Variants in EYS observed in about 807,000 individuals in gnomAD.
EYS encodes the protein protein eyes shut homolog.
A neutral mutation model predicts 282.1 loss-of-function variants in EYS; 250 were observed. The observed-to-expected ratio is 0.89, with a 90% confidence interval of 0.80 to 0.98. The LOEUF (loss-of-function observed/expected upper bound fraction) is 0.98. Among genes scored for constraint, EYS ranks in the 50% least tolerant of loss-of-function variants. EYS has a pLI of 0.00. For missense variants in EYS, 4,016 were observed against 3,709.0 expected, an observed-to-expected ratio of 1.08 and a Z score of -2.15; for synonymous variants, 1,355 against 1,282.9, an observed-to-expected ratio of 1.06 and a Z score of -1.20.
intron 12 of EYS, among the ~76,000 whole-genome samples, chr6:65,280,842 A>AC (rs1768197167): frequency 7.0e-6 from 1 of 143,596 alleles, no homozygotes; most frequent in African/African-American, 2.5e-5. Context: ...GCAAAGTGAA[A>AC]CCCCGTCTGT....
intron 22 of EYS, among the ~76,000 whole-genome samples, chr6:64,628,757 G>T (rs1767687880): frequency 6.6e-6 from 1 of 151,822 alleles, no homozygotes; most frequent in South Asian, 2.1e-4. Context: ...CATTGCAAAG[G>T]AAAAAAACTA....
At chr6:64,721,277 G>A (rs1771569752) in intron 22 of EYS, among the ~76,000 whole-genome samples, 1 of 152,064 alleles carries the variant, frequency 6.6e-6, no homozygotes, top group Non-Finnish European at 1.5e-5. Context: ...AGTGAAAAAA[G>A]GCAGGAAAGT....
intron 8 of EYS, 92 bp from the exon 9 acceptor site, chr6:65,353,709 A>G: frequency 1.9e-6 from 2 of 1,055,460 alleles, no homozygotes; most frequent in East Asian, 2.6e-5. Context: ...TTTTAAAACC[A>G]CAGTGATTAT....
At chr6:65,504,770 A>T (rs1766595163) in intron 2 of EYS, among the ~76,000 whole-genome samples, 3 of 151,586 alleles carry the variant, frequency 2.0e-5, no homozygotes, top group South Asian at 4.1e-4. Flanking sequence ...TATAATAAAT[A>T]AAAAAATTAT....
chr6:64,369,398 T>C (rs888530666), intron 29 of EYS, among the ~76,000 whole-genome samples: 1 of 152,188 alleles, frequency 6.6e-6, no homozygotes, highest in Non-Finnish European at 1.5e-5. Context: ...ATTCAGGCTC[T>C]TTTTTGGTTC....
intron 26 of EYS, among the ~76,000 whole-genome samples, chr6:64,493,269 A>C (rs1241916876): frequency 6.6e-6 from 1 of 151,502 alleles, no homozygotes; most frequent in African/African-American, 2.4e-5. Flanking sequence ...GCAGAGCTGC[A>C]AATCAAAATG....
chr6:64,244,611 ATATG>A (rs1766948428), intron 30 of EYS, among the ~76,000 whole-genome samples: 1 of 152,162 alleles, frequency 6.6e-6, no homozygotes, highest in African/African-American at 2.4e-5. Flanking sequence ...TCCTGTTAAA[ATATG>A]TATTATATGA....
intron 26 of EYS, among the ~76,000 whole-genome samples, chr6:64,500,520 T>C (rs1436818565): frequency 6.6e-6 from 1 of 152,060 alleles, no homozygotes; most frequent in Non-Finnish European, 1.5e-5. Flanking sequence ...TGTGCATTTC[T>C]GAGAAAAAAA....
rs867535787 is a variant in EYS at position 64,997,586 on chromosome 6, T to A, written c.2255A>T (p.His752Leu). The A allele has an allele frequency of 6.4e-7, 1 of 1,551,014 alleles. No individual in the cohort carries two copies. Among genetic ancestry groups the A allele is most frequent in the Non-Finnish European group, 8.7e-7 (1 of 1,146,400 alleles). The change falls in exon 14 of 43, where the codon CAT becomes CTT. Residue 752 changes from histidine to leucine, a missense_variant. Transcript: ENST00000503581. Reference sequence around the variant, plus strand: ...AAAAAGCCAGTGGATACTAACGAGATGCAGGTCTTTGCAGGTAGAATTGTG... The same window carrying A: ...AAAAAGCCAGTGGATACTAACGAGAAGCAGGTCTTTGCAGGTAGAATTGTG... Reference protein sequence around the residue: ...CEHNSTCKDLHLSYQCVCLSD... With the variant: ...CEHNSTCKDLLLSYQCVCLSD...
At chr6:64,624,278 T>C (rs1457963801) in intron 23 of EYS, among the ~76,000 whole-genome samples, 2 of 152,078 alleles carry the variant, frequency 1.3e-5, no homozygotes, top group Non-Finnish European at 2.9e-5. Context: ...AAAACTAATC[T>C]AGCACCTGTA....
chr6:65,624,107 G>A (rs974149266), intron 2 of EYS, among the ~76,000 whole-genome samples: 6 of 152,110 alleles, frequency 3.9e-5, no homozygotes, highest in Non-Finnish European at 8.8e-5. Context: ...TCAAGAATCT[G>A]AGAAAATATT....
intron 2 of EYS, among the ~76,000 whole-genome samples, chr6:65,553,590 G>C (rs954314951): frequency 5.9e-5 from 9 of 152,030 alleles, no homozygotes; most frequent in Admixed American, 2.6e-4. Flanking sequence ...TTGTTAATTT[G>C]ATGAAAATTT....
intron 13 of EYS, among the ~76,000 whole-genome samples, chr6:65,045,870 G>A (rs889935829): frequency 1.3e-5 from 2 of 151,814 alleles, no homozygotes; most frequent in Non-Finnish European, 2.9e-5. Context: ...AAACAGCTAG[G>A]GATGTAGTTG....
intron 22 of EYS, among the ~76,000 whole-genome samples, chr6:64,675,687 C>G (rs141174016): frequency 1.5e-4 from 23 of 151,986 alleles, no homozygotes; most frequent in African/African-American, 4.8e-4. Context: ...CTTGGCCTCC[C>G]AAAGTGCTGG....
intron 29 of EYS, among the ~76,000 whole-genome samples, chr6:64,319,572 T>C (rs933698534): frequency 6.6e-6 from 1 of 151,942 alleles, no homozygotes; most frequent in African/African-American, 2.4e-5. Context: ...AAAGCTTCTA[T>C]TGAAAAACTA....
At chr6:64,593,933 T>C (rs1582933265) in intron 24 of EYS, among the ~76,000 whole-genome samples, 2 of 152,298 alleles carry the variant, frequency 1.3e-5, no homozygotes, top group South Asian at 4.1e-4. Flanking sequence ...CGTTTATAAA[T>C]GTAGAGTTAA....
chr6:64,803,954 G>C (rs571094927), intron 22 of EYS, among the ~76,000 whole-genome samples: 90 of 152,276 alleles, frequency 5.9e-4, no homozygotes, highest in African/African-American at 2.1e-3. Context: ...GCCATGGCTG[G>C]GTGGCTGCAG....
chr6:63,767,830 C>T (rs1050449965), intron 40 of EYS, among the ~76,000 whole-genome samples: 15 of 152,224 alleles, frequency 9.9e-5, no homozygotes, highest in African/African-American at 3.6e-4. Context: ...AACTATACTA[C>T]AAGCCTACAG....
intron 19 of EYS, among the ~76,000 whole-genome samples, chr6:64,860,608 T>C (rs1449526684): frequency 6.6e-6 from 1 of 152,222 alleles, no homozygotes; most frequent in Admixed American, 6.5e-5. Flanking sequence ...CAGCCCTAGC[T>C]TGGGGAGCTC....
Sources: allele counts gnomAD v4.1 joint callset (sites outside exome capture counted in the v4.1 genomes callset), GRCh38; gene constraint gnomAD v4.1.1; transcripts MANE v1.5; gene names NCBI Gene and HGNC (gene_info 2026-07-23, HGNC 2026-07-21).